DNAH7: variants seen among roughly 807,000 people sequenced by gnomAD.
DNAH7 encodes the protein axonemal beta dynein heavy chain 7.
DNAH7 carries 397 observed loss-of-function variants against 444.6 expected under a neutral mutation model. The observed-to-expected ratio is 0.89, with a 90% CI of 0.82 to 0.97. The LOEUF (loss-of-function observed/expected upper bound fraction) is 0.97. Among genes scored for constraint, DNAH7 ranks in the 50% least tolerant of loss-of-function variants. The pLI is 0.00. For missense variants in DNAH7, 4,902 were observed against 4,800.8 expected (o/e 1.02, Z -0.62); for synonymous variants, 1,636 against 1,624.4 (o/e 1.01, Z -0.17).
chr2:195,748,700 A>G (rs1693589181), intron 63 of DNAH7, among the ~76,000 whole-genome samples: 1 of 152,208 alleles, frequency 6.6e-6, no homozygotes, highest in African/African-American at 2.4e-5. Flanking sequence ...CAACTATCTG[A>G]TCTTTGACAA....
At chr2:195,908,900 C>G (rs1687195536) in intron 25 of DNAH7, among the ~76,000 whole-genome samples, 1 of 152,082 alleles carries the variant, frequency 6.6e-6, no homozygotes, top group Non-Finnish European at 1.5e-5. Flanking sequence ...CATATTCCAG[C>G]CAGGAACAGT....
chr2:196,047,507 T>TA lies in DNAH7; in HGVS notation c.251-9dup. 3.9e-6 allele frequency: 6 copies of TA among 1,525,176 alleles called. No individual in the cohort carries two copies. The highest frequency in any genetic ancestry group is 4.0e-5 in the Admixed American group (2 of 49,564). 94.5% of individuals were successfully genotyped at this position (1,525,176 alleles called of 1,614,324 possible). ...AACGTTCCATGTATTCAGCTTAAATTAAAACAAAAAAAAAAGCACAATTAT... is the reference window on the plus strand; with the variant it reads ...AACGTTCCATGTATTCAGCTTAAATTAAAAACAAAAAAAAAAGCACAATTAT... On this transcript the variant is annotated splice_polypyrimidine_tract_variant and intron_variant, in intron 4 of 64. Transcript: ENST00000312428.
At chr2:195,906,211 T>C (rs1687006188) in intron 27 of DNAH7, among the ~76,000 whole-genome samples, 2 of 152,054 alleles carry the variant, frequency 1.3e-5, no homozygotes, top group African/African-American at 4.8e-5. Flanking sequence ...TTTTCTATAT[T>C]TTGTAATTTT....
intron 56 of DNAH7, among the ~76,000 whole-genome samples, chr2:195,796,281 A>G (rs1447256524): frequency 6.6e-6 from 1 of 152,188 alleles, no homozygotes; most frequent in African/African-American, 2.4e-5. Flanking sequence ...GTTGATGTAT[A>G]TCTACCCTGT....
intron 23 of DNAH7, among the ~76,000 whole-genome samples, chr2:195,923,246 C>CA (rs1688131677): frequency 2.6e-5 from 4 of 152,098 alleles, no homozygotes; most frequent in Admixed American, 2.6e-4. Context: ...CCTAAAAACA[C>CA]AATTTTAAAC....
chr2:196,029,534 G>C (rs77995923), intron 5 of DNAH7, among the ~76,000 whole-genome samples: 6,806 of 151,866 alleles, frequency 0.045, 203 homozygotes, highest in East Asian at 0.092. Context: ...CAATAATAAT[G>C]GCAGCTTTTT....
At chr2:195,990,946 CATATATATACTTAAATATATATACAT>C (rs1693289707) in intron 12 of DNAH7, among the ~76,000 whole-genome samples, 2 of 141,926 alleles carry the variant, frequency 1.4e-5, no homozygotes, top group African/African-American at 5.2e-5. Flanking sequence ...AATATATATA[CATATATATACTTAAATATATATACAT>C]ATATATATAT....
At chr2:196,064,179 G>A (rs1289699576) in intron 1 of DNAH7, among the ~76,000 whole-genome samples, 1 of 151,980 alleles carries the variant, frequency 6.6e-6, no homozygotes, top group African/African-American at 2.4e-5. Context: ...GCTGGGCGTA[G>A]TGGCGGGTGC....
chr2:195,796,313 C>G (rs895031716), intron 56 of DNAH7, among the ~76,000 whole-genome samples: 9 of 152,188 alleles, frequency 5.9e-5, no homozygotes, highest in Admixed American at 1.3e-4. Flanking sequence ...CTCCTTCAGC[C>G]TGCTCCTCAG....
chr2:195,859,726 A>G (rs766857987), intron 42 of DNAH7, among the ~76,000 whole-genome samples: 1 of 152,152 alleles, frequency 6.6e-6, no homozygotes. Flanking sequence ...GAGTGTGCAA[A>G]ATATTAGAAA....
In DNAH7 at chr2:195,947,923, G is replaced by A. The variant is rs1424399786; in HGVS notation, c.3078+9338C>T. Among the ~76,000 whole-genome samples, 3 of 152,042 alleles carry A rather than the reference G, an allele frequency of 2.0e-5. No individual in the cohort carries two copies. In the South Asian group the frequency reaches 6.2e-4, roughly 32 times the overall value. On this transcript the variant is annotated intron_variant, in intron 19 of 64. Coordinates refer to ENST00000312428, the MANE Select transcript of DNAH7 (RefSeq NM_018897.3). ...ACGCTCCCACCAACACTGTAAAAAC[G>A]TTCCTATTCCTTCACAGCCCCTCCA...
intron 32 of DNAH7, 24 bp from the exon 33 acceptor site, chr2:195,888,458 A>AT: frequency 6.4e-7 from 1 of 1,570,320 alleles, no homozygotes; most frequent in African/African-American, 1.4e-5. Context: ...ATTGGTTACC[A>AT]TCAAGGTAAT....
chr2:195,929,808 C>G (rs949729371), intron 21 of DNAH7, among the ~76,000 whole-genome samples: 2 of 152,130 alleles, frequency 1.3e-5, no homozygotes, highest in African/African-American at 4.8e-5. Flanking sequence ...AGACATTGGT[C>G]TTGGGAAAGT....
intron 58 of DNAH7, among the ~76,000 whole-genome samples, chr2:195,779,884 C>A (rs1206258969): frequency 6.6e-6 from 1 of 152,172 alleles, no homozygotes; most frequent in Non-Finnish European, 1.5e-5. Context: ...GGATTACAGG[C>A]ATGAACCACT....
chr2:195,961,257 C>T (rs75103281), intron 17 of DNAH7, among the ~76,000 whole-genome samples: 3 of 152,284 alleles, frequency 2.0e-5, no homozygotes, highest in South Asian at 2.1e-4. Context: ...GAACACTACA[C>T]AACCTACTCT....
At chr2:195,927,109 A>G (rs1688382304) in intron 21 of DNAH7, among the ~76,000 whole-genome samples, 1 of 152,132 alleles carries the variant, frequency 6.6e-6, no homozygotes, top group African/African-American at 2.4e-5. Context: ...ACAGAGACAG[A>G]TGTACGATTC....
chr2:195,823,115 G>A (rs546343434), intron 49 of DNAH7, among the ~76,000 whole-genome samples: 1 of 152,198 alleles, frequency 6.6e-6, no homozygotes, highest in African/African-American at 2.4e-5. Flanking sequence ...AACTACTACT[G>A]GATATTCCCT....
At chr2:195,782,983 AG>A (rs1358000795) in intron 58 of DNAH7, among the ~76,000 whole-genome samples, 1 of 152,032 alleles carries the variant, frequency 6.6e-6, no homozygotes, top group African/African-American at 2.4e-5. Context: ...TCTTCCCTTG[AG>A]TTTTATATCT....
At chr2:195,971,640 T>G (rs1257289788) in intron 16 of DNAH7, among the ~76,000 whole-genome samples, 1 of 151,804 alleles carries the variant, frequency 6.6e-6, no homozygotes, top group African/African-American at 2.4e-5. Context: ...ACAAGAAGCA[T>G]AGGAGAGCAG....
Sources: gnomAD v4.1 joint callset for allele counts (sites outside exome capture counted in the v4.1 genomes callset) on GRCh38, gnomAD v4.1.1 for gene constraint, MANE v1.5 for transcripts, NCBI Gene and HGNC (gene_info 2026-07-23, HGNC 2026-07-21) for gene names.